Variants in AK7 observed in about 807,000 individuals in gnomAD.
AK7 encodes ATP-AMP transphosphorylase 7.
Under a neutral mutation model 96.6 loss-of-function variants are expected in AK7, and 78 were observed. That is an observed-to-expected ratio of 0.81 (90% CI 0.67 to 0.97). The LOEUF (loss-of-function observed/expected upper bound fraction) is 0.97. Ranked by LOEUF, AK7 falls within the 50% of genes least tolerant of loss-of-function variation. AK7 has a pLI of 0.00. For synonymous variants in AK7, 302 were observed against 317.2 expected, an observed-to-expected ratio of 0.95 and a Z score of 0.51; for missense variants, 855 against 887.9, an observed-to-expected ratio of 0.96 and a Z score of 0.47.
chr14:96,446,643 C>T lies in AK7; in HGVS notation c.870+36C>T, dbSNP rs772980346. The T allele has an allele frequency of 1.8e-5, 28 of 1,593,910 alleles. No homozygotes were observed. The East Asian group carries it at 2.0e-4, about 11-fold the overall frequency. On this transcript the variant is annotated intron_variant, in intron 8 of 17. Coordinates refer to ENST00000267584, the MANE Select transcript of AK7 (RefSeq NM_152327.5). ...TTCATCCCATACTTTGATGACATAT[C>T]GTAAATAGTTTTGCTGGCTGGGCGC...
chr14:96,448,777 G>A (rs576395632), intron 8 of AK7, among the ~76,000 whole-genome samples: 1 of 151,582 alleles, frequency 6.6e-6, no homozygotes, highest in Non-Finnish European at 1.5e-5. Flanking sequence ...CCATCATGGT[G>A]AAAACCCTTC....
rs146097636 is a variant in AK7 at position 96,446,635 on chromosome 14, T to C, written c.870+28T>C. ...ACAGTGGTTTCATCCCATACTTTGA[T>C]GACATATCGTAAATAGTTTTGCTGG... On this transcript the variant is annotated intron_variant, in intron 8 of 17. Transcript: ENST00000267584. 2.6e-4 allele frequency: 411 copies of C among 1,599,968 alleles called. No individual in the cohort carries two copies. In the African/African-American group the frequency reaches 5.0e-3, roughly 19 times the overall value.
In AK7 at chr14:96,488,824, C is replaced by CTTTTTTTTTTTTTTTTTTT. The variant is rs11361139; in HGVS notation, c.*482_*500dup. 1 of 127,788 alleles carries CTTTTTTTTTTTTTTTTTTT rather than the reference C, an allele frequency of 7.8e-6. No individual in the cohort carries two copies. Among genetic ancestry groups the CTTTTTTTTTTTTTTTTTTT allele is most frequent in the Non-Finnish European group, 1.7e-5 (1 of 60,276 alleles). The allele number at this position is 127,788 out of a possible 1,614,324, so 7.9% of individuals were successfully genotyped here. ...GACAAGATTGGTGCCTGTAAGGTGGCTTTTTTTTTTTTTTTTTTTAAATGA... is the reference window on the plus strand; with the variant it reads ...GACAAGATTGGTGCCTGTAAGGTGGCTTTTTTTTTTTTTTTTTTTTTTTTTTTTTTTTTTTTTTAAATGA... On this transcript the variant is annotated 3_prime_UTR_variant, in exon 18 of 18. Coordinates refer to ENST00000267584, the MANE Select transcript of AK7 (RefSeq NM_152327.5).
chr14:96,464,997 T>C (rs1448899194), intron 12 of AK7, among the ~76,000 whole-genome samples: 1 of 152,220 alleles, frequency 6.6e-6, no homozygotes. Flanking sequence ...ACAAGCCACT[T>C]AGTATGGATC....
At chr14:96,405,233 G>T (rs1398214337) in intron 3 of AK7, among the ~76,000 whole-genome samples, 1 of 151,938 alleles carries the variant, frequency 6.6e-6, no homozygotes, top group African/African-American at 2.4e-5. Flanking sequence ...ACATTACCAG[G>T]CTGAAGTGAC....
chr14:96,437,686 A>G, intron 5 of AK7, 149 bp from the exon 6 acceptor site: 1 of 603,258 alleles, frequency 1.7e-6, no homozygotes, highest in Non-Finnish European at 2.9e-6. Context: ...TCTCTTTAAG[A>G]GATAGGATTT....
intron 7 of AK7, among the ~76,000 whole-genome samples, chr14:96,444,250 A>G (rs944686706): frequency 6.6e-6 from 1 of 152,140 alleles, no homozygotes; most frequent in Non-Finnish European, 1.5e-5. Context: ...AGGGGCCGAA[A>G]CATACCCATT....
chr14:96,445,517 G>A (rs1420816272), intron 7 of AK7, among the ~76,000 whole-genome samples: 3 of 152,016 alleles, frequency 2.0e-5, no homozygotes, highest in Non-Finnish European at 4.4e-5. Context: ...AAAATTAGTC[G>A]GGTTTGGTGG....
At chr14:96,487,620 G>C (rs982243545) in intron 17 of AK7, among the ~76,000 whole-genome samples, 1 of 151,214 alleles carries the variant, frequency 6.6e-6, no homozygotes, top group African/African-American at 2.4e-5. Context: ...GTAGAGACAG[G>C]GTTTCACCAT....
intron 12 of AK7, among the ~76,000 whole-genome samples, chr14:96,471,174 G>A (rs1050442042): frequency 2.0e-5 from 3 of 151,622 alleles, no homozygotes; most frequent in African/African-American, 4.8e-5. Flanking sequence ...TCTACAAAAC[G>A]TTTAAAAATC....
At chr14:96,449,419 GGTGTTTGT>G (rs1893449686) in intron 8 of AK7, among the ~76,000 whole-genome samples, 1 of 148,294 alleles carries the variant, frequency 6.7e-6, no homozygotes, top group African/African-American at 2.5e-5. Context: ...TTCATTTGAG[GGTGTTTGT>G]TTGTTTGTTT....
In AK7 at chr14:96,399,055, C is replaced by T. The variant is rs1390008548; in HGVS notation, c.294+792C>T. 1 of 151,610 alleles carries T rather than the reference C, an allele frequency of 6.6e-6. No individual in the cohort carries two copies. Among genetic ancestry groups the T allele is most frequent in the Admixed American group, 6.6e-5 (1 of 15,170 alleles). The allele number at this position is 151,610 out of a possible 1,614,324, so 9.4% of individuals were successfully genotyped here. On this transcript the variant is annotated intron_variant, in intron 2 of 17. Transcript: ENST00000267584. This position sits in a 1 kb window ranked among gnomAD's most constrained non-coding sequence, Gnocchi z 4.1. ...TCATGATTCCTACTTCTCCCTCACT[C>T]CCAGTTTGGATTCTGAGCTCTTTTC...
At position 96,488,474 on chromosome 14, in the gene AK7, C is replaced by A; in HGVS notation, c.*131C>A. On this transcript the variant is annotated 3_prime_UTR_variant, in exon 18 of 18. Transcript: ENST00000267584. ...TTTTTGTAGACAAATATTCTATAAACTAGAATCTCTATTAAAAGCTATATG... is the reference window on the plus strand; with the variant it reads ...TTTTTGTAGACAAATATTCTATAAAATAGAATCTCTATTAAAAGCTATATG... 2 of 677,234 alleles carry A rather than the reference C, an allele frequency of 3.0e-6. No homozygotes were observed. The highest frequency in any genetic ancestry group is 4.9e-6 in the Non-Finnish European group (2 of 409,068). 42.0% of individuals were successfully genotyped at this position (677,234 alleles called of 1,614,324 possible). A position where few individuals can be genotyped will look rare whatever the true frequency, so the allele number is the denominator to read the frequency against.
chr14:96,401,895 A>G (rs1432462033), intron 2 of AK7, among the ~76,000 whole-genome samples: 1 of 152,116 alleles, frequency 6.6e-6, no homozygotes, highest in Non-Finnish European at 1.5e-5. Flanking sequence ...TCTCAGATGT[A>G]CCTCTATGAC....
chr14:96,414,158 C>T (rs1379484008), intron 4 of AK7, among the ~76,000 whole-genome samples: 1 of 152,234 alleles, frequency 6.6e-6, no homozygotes, highest in Non-Finnish European at 1.5e-5. Flanking sequence ...AACTCTGATT[C>T]AAGATCCAGG....
At chr14:96,424,253 CG>C (rs1348773137) in intron 5 of AK7, 1 of 429,584 alleles carries the variant, frequency 2.3e-6, no homozygotes, top group Non-Finnish European at 4.2e-6. Flanking sequence ...GGGAGTGCCG[CG>C]GGAGGCCAGG....
chr14:96,436,411 G>A (rs898284245), intron 5 of AK7, among the ~76,000 whole-genome samples: 2 of 152,078 alleles, frequency 1.3e-5, no homozygotes, highest in African/African-American at 2.4e-5. Context: ...TTGGGAGGCC[G>A]AGGCAGGTGA....
chr14:96,487,573 T>G (rs1895848627), intron 17 of AK7, among the ~76,000 whole-genome samples: 1 of 150,020 alleles, frequency 6.7e-6, no homozygotes, highest in African/African-American at 2.4e-5. Context: ...TGATTACAGA[T>G]GTGCACCACC....
intron 11 of AK7, among the ~76,000 whole-genome samples, chr14:96,457,542 C>A (rs759416220): frequency 6.6e-6 from 1 of 152,260 alleles, no homozygotes; most frequent in East Asian, 1.9e-4. Flanking sequence ...TCCTCTGAGA[C>A]GGAAGCAGCT....
Sources: gnomAD v4.1 joint callset for allele counts (sites outside exome capture counted in the v4.1 genomes callset) on GRCh38, gnomAD v4.1.1 for gene constraint, Gnocchi (gnomAD v3.1) non-coding constraint, MANE v1.5 for transcripts, NCBI Gene and HGNC (gene_info 2026-07-23, HGNC 2026-07-21) for gene names.